The following DNASE1L1 variants were observed in gnomAD, a reference collection of about 807,000 sequenced individuals.
DNASE1L1 encodes deoxyribonuclease 1 like 1.
In DNASE1L1, 8 loss-of-function variants were observed where a neutral mutation model predicts 18.6. That is an observed-to-expected ratio of 0.43 (90% confidence interval 0.25 to 0.78). The LOEUF is 0.78. Among genes scored for constraint, DNASE1L1 ranks in the 30% least tolerant of loss-of-function variants. The pLI, the probability that DNASE1L1 is intolerant of heterozygous loss-of-function variation, is 0.23. For missense variants in DNASE1L1, 214 were observed against 258.2 expected (o/e 0.83, Z 1.17); for synonymous variants, 114 against 114.2 (o/e 1.00, Z 0.01).
chrX:154,411,837 G>A (rs1557190750), upstream of DNASE1L1: 3 of 1,182,459 alleles, frequency 2.5e-6, no homozygotes, highest in South Asian at 3.6e-5. Flanking sequence ...CCGCGGGCCG[G>A]GTGGGGATGC....
rs782763569 is a variant in DNASE1L1, at chrX:154,405,627, C to A, written c.-59G>T. On this transcript the variant is annotated 5_prime_UTR_variant, in exon 2 of 8. Transcript: ENST00000369807. ...TCCAGGCTGCCCCAGGGTGCGCTCTCACTGGGCTCAGTTCTGGCTCTGGAA... is the reference window on the plus strand; with the variant it reads ...TCCAGGCTGCCCCAGGGTGCGCTCTAACTGGGCTCAGTTCTGGCTCTGGAA... 2.1e-4 allele frequency: 221 copies of A among 1,047,158 alleles called. No individual in the cohort carries two copies. The highest frequency in any genetic ancestry group is 1.2e-3 in the Middle Eastern group (3 of 2,608). 86.3% of individuals were successfully genotyped at this position (1,047,158 alleles called of 1,213,427 possible).
At chrX:154,405,362 C>A in intron 2 of DNASE1L1, 72 bp downstream of exon 2, 1 of 1,133,598 alleles carries the variant, frequency 8.8e-7, no homozygotes, top group South Asian at 2.2e-5. Context: ...GAACATACCC[C>A]TGGTCAGGCA....
At chrX:154,407,080 T>A (rs188856322) in intron 1 of DNASE1L1, among the ~76,000 whole-genome samples, 72 of 110,005 alleles carry the variant, frequency 6.5e-4, no homozygotes, top group African/African-American at 2.3e-3. Context: ...TGGGACAAAG[T>A]CTTGCTCTGT....
chrX:154,403,330 T>G lies in DNASE1L1; in HGVS notation c.464A>C (p.Glu155Ala). 1 of 1,211,430 alleles carries G rather than the reference T, an allele frequency of 8.3e-7. No individual in the cohort carries two copies. The highest frequency in any genetic ancestry group is 1.1e-6 in the Non-Finnish European group (1 of 895,426). The part of the protein sequence containing the change: ...VPLHTTPKAV[E>A]KELNALYDVF... ...ATCGTAGAGGGCGTTCAGCTCCTTC[T>G]CTACGGCCTTAGGAGTGGTGTGCAG... Residue 155 changes from glutamate (E) to alanine (A), a missense_variant, in exon 6 of 8, where the codon GAG (glutamate) becomes GCG (alanine). Physicochemically the swap from Glu to Ala is moderately radical, Grantham distance 107. Coordinates refer to ENST00000369807, the MANE Select transcript of DNASE1L1 (RefSeq NM_001303620.2).
At chrX:154,404,954 T>G in intron 3 of DNASE1L1, 40 bp from the exon 4 acceptor site, 1 of 1,205,615 alleles carries the variant, frequency 8.3e-7, no homozygotes, top group Non-Finnish European at 1.1e-6. Context: ...GCCTCAAGCC[T>G]CTGGGTGTGC....
Position 154,402,803 on chromosome X carries a change from C to T in DNASE1L1, c.813G>A (p.Glu271=), listed in dbSNP as rs1557187146. The T allele has an allele frequency of 8.3e-7, 1 of 1,211,270 alleles. No individual in the cohort carries two copies. The highest frequency in any genetic ancestry group is 2.2e-5 in the Admixed American group (1 of 46,035). The change falls in exon 8 of 8, where the codon GAG becomes GAA. Residue 271 remains glutamate (E), a synonymous_variant. Transcript: ENST00000369807. ...CGCTGTGCGCCTGGCTCAGCTTCAG[C>T]TCCACCTCCACGGGGTAGTGGTCAC... ...NISDHYPVEV[E]LKLSQAHSVQ... is the part of the protein sequence containing the mutation.
chrX:154,403,209 T>C lies in DNASE1L1; in HGVS notation c.526-19A>G. On this transcript the variant is annotated intron_variant, in intron 6 of 7. Transcript: ENST00000369807. ...TCACGTCCTAGAGACACAGCAGCCA[T>C]CAGGCTGGCCGCTGGGCCACCCTAT... 1 of 1,209,796 alleles carries C rather than the reference T, an allele frequency of 8.3e-7. No homozygotes were observed. Among genetic ancestry groups the C allele is most frequent in the Non-Finnish European group, 1.1e-6 (1 of 894,016 alleles).
In DNASE1L1 at chrX:154,405,474, G is replaced by A; in HGVS notation, c.95C>T (p.Ala32Val). Residue 32 changes from alanine (A) to valine (V), a missense_variant, in exon 2 of 8, where the codon GCC becomes GTC. Transcript: ENST00000369807. ...CAFNAQRLTL[A>V]KVAREQVMDT... ...CATCACCTGCTCCCTGGCCACCTTGGCCAGTGTCAGCCGCTGGGCATTGAA... is the reference window on the plus strand; with the variant it reads ...CATCACCTGCTCCCTGGCCACCTTGACCAGTGTCAGCCGCTGGGCATTGAA... The A allele has an allele frequency of 8.3e-7, 1 of 1,204,190 alleles. No individual in the cohort carries two copies. The highest frequency in any genetic ancestry group is 3.0e-5 in the East Asian group (1 of 33,587).
chrX:154,407,300 G>A (rs1232502226), intron 1 of DNASE1L1, among the ~76,000 whole-genome samples: 3 of 90,752 alleles, frequency 3.3e-5, no homozygotes, highest in South Asian at 5.8e-4. Flanking sequence ...GAGCAGTGGC[G>A]TGATCTCGGC....
At chrX:154,412,049 G>A, upstream of DNASE1L1, 1 of 1,208,826 alleles carries the variant, frequency 8.3e-7, no homozygotes, top group Middle Eastern at 2.3e-4. Context: ...GACCTAGCGG[G>A]CGAGCCCGGA....
intron 1 of DNASE1L1, among the ~76,000 whole-genome samples, chrX:154,407,218 ATTTTTTTTTTTT>A (rs782115573): frequency 7.8e-5 from 2 of 25,750 alleles, no homozygotes; most frequent in Admixed American, 5.5e-4. Flanking sequence ...AAGTGCTGGG[ATTTTTTTTTTTT>A]TTTTTTTTTT....
At position 154,402,938 on chromosome X, in the gene DNASE1L1, T is replaced by C; in HGVS notation, c.774+4A>G. The stretch of plus-strand genomic sequence containing the variant: ...CCCTCCTCATGCCAGCCCCATCCCT[T>C]CACCTCCTCCTCGGTGAGCTGGAAG... On this transcript the variant is annotated splice_donor_region_variant and intron_variant, in intron 7 of 7. Transcript: ENST00000369807. The C allele has an allele frequency of 8.3e-7, 1 of 1,209,525 alleles. No homozygotes were observed. Among genetic ancestry groups the C allele is most frequent in the Non-Finnish European group, 1.1e-6 (1 of 894,599 alleles).
Position 154,401,793 on chromosome X carries a change from A to G in DNASE1L1, c.*914T>C, listed in dbSNP as rs1334360234. 1.8e-5 allele frequency: 2 copies of G among 109,260 alleles called. No individual in the cohort carries two copies. Among genetic ancestry groups the G allele is most frequent in the Non-Finnish European group, 3.8e-5 (2 of 53,031 alleles). The allele number at this position is 109,260 out of a possible 1,213,427, so 9.0% of individuals were successfully genotyped here. ...AATTACCTTTATTTTATTTTGCCAA[A>G]CATACCTGGGAATACCTTTTATTTT... On this transcript the variant is annotated 3_prime_UTR_variant, in exon 8 of 8. Transcript: ENST00000369807.
chrX:154,401,909 CCT>C lies in DNASE1L1; in HGVS notation c.*796_*797del, dbSNP rs1335825705. The stretch of plus-strand genomic sequence containing the variant: ...GCGTCCCAGCCAGTGTTTTTCCTGA[CCT>C]CTCTTCTTTGGAGAGGAGGATGGAA... On this transcript the variant is annotated 3_prime_UTR_variant, in exon 8 of 8. Coordinates refer to ENST00000369807, the MANE Select transcript of DNASE1L1 (RefSeq NM_001303620.2). The C allele has an allele frequency of 1.8e-5, 2 of 111,914 alleles. No homozygotes were observed. Among genetic ancestry groups the C allele is most frequent in the African/African-American group, 6.5e-5 (2 of 30,675 alleles). 9.2% of individuals were successfully genotyped at this position (111,914 alleles called of 1,213,427 possible). A position where few individuals can be genotyped will look rare whatever the true frequency, so the allele number is the denominator to read the frequency against.
chrX:154,406,727 C>G (rs1233764734), intron 1 of DNASE1L1, among the ~76,000 whole-genome samples: 1 of 83,502 alleles, frequency 1.2e-5, no homozygotes, highest in East Asian at 3.9e-4. Flanking sequence ...CCAGGCTGGT[C>G]TTGAACTCCT....
intron 1 of DNASE1L1, among the ~76,000 whole-genome samples, chrX:154,406,994 A>C (rs1209960088): frequency 2.7e-5 from 3 of 111,263 alleles, no homozygotes; most frequent in Admixed American, 9.6e-5. Context: ...ATTGGTCTCC[A>C]TGGTGACTGC....
chrX:154,407,767 C>G (rs868950754), intron 1 of DNASE1L1, among the ~76,000 whole-genome samples: 2 of 71,545 alleles, frequency 2.8e-5, no homozygotes, highest in Admixed American at 1.5e-4. Context: ...GGCCCCCCCC[C>G]TTTTTTTTTT....
At chrX:154,411,518 G>T, upstream of DNASE1L1, 1 of 306,007 alleles carries the variant, frequency 3.3e-6, no homozygotes, top group Non-Finnish European at 6.0e-6. Flanking sequence ...AGTCGGTCGG[G>T]CTGGGCACCG....
At chrX:154,407,758 G>GC (rs1191262369) in intron 1 of DNASE1L1, among the ~76,000 whole-genome samples, 66 of 89,324 alleles carry the variant, frequency 7.4e-4, no homozygotes, top group Non-Finnish European at 1.1e-3. Context: ...ACCGCGCCCG[G>GC]CCCCCCCCCT....
Sources: allele counts gnomAD v4.1 joint callset (sites outside exome capture counted in the v4.1 genomes callset), GRCh38; gene constraint gnomAD v4.1.1; transcripts MANE v1.5; gene names NCBI Gene and HGNC (gene_info 2026-07-23, HGNC 2026-07-21).